The following ITGBL1 variants were observed in gnomAD, a reference collection of about 807,000 sequenced individuals.
ITGBL1 encodes the protein integrin beta-like protein 1.
ITGBL1 carries 51 observed loss-of-function variants against 68.5 expected under a neutral mutation model. The ratio of observed to expected loss-of-function variants is 0.74; its 90% CI spans 0.59 to 0.94. The LOEUF is 0.94. Ranked by LOEUF, ITGBL1 falls within the 40% of genes least tolerant of loss-of-function variation. The pLI is 0.00. For missense variants in ITGBL1, 649 were observed against 647.4 expected, an observed-to-expected ratio of 1.00 and a Z score of -0.03; for synonymous variants, 209 against 227.3, an observed-to-expected ratio of 0.92 and a Z score of 0.72.
intron 2 of ITGBL1, among the ~76,000 whole-genome samples, chr13:101,522,715 C>A (rs1174974483): frequency 6.6e-6 from 1 of 152,110 alleles, no homozygotes; most frequent in Non-Finnish European, 1.5e-5. Context: ...TTATACAGTT[C>A]TAGGTGCCAG....
chr13:101,637,392 A>G (rs994091926), intron 7 of ITGBL1, among the ~76,000 whole-genome samples: 38 of 141,626 alleles, frequency 2.7e-4, no homozygotes, highest in Admixed American at 9.0e-4. Flanking sequence ...CACCCAGGCT[A>G]GAGTGCAGTG....
chr13:101,624,102 T>C (rs1271008176), intron 7 of ITGBL1, among the ~76,000 whole-genome samples: 1 of 152,186 alleles, frequency 6.6e-6, no homozygotes, highest in Non-Finnish European at 1.5e-5. Context: ...ACTAGGTTGC[T>C]TTGGAGAGTG....
chr13:101,500,363 A>G (rs2048921902), intron 2 of ITGBL1, among the ~76,000 whole-genome samples: 1 of 152,204 alleles, frequency 6.6e-6, no homozygotes, highest in Admixed American at 6.5e-5. Flanking sequence ...TAAGGATGCA[A>G]TTAAAGCATT....
intron 2 of ITGBL1, among the ~76,000 whole-genome samples, chr13:101,472,604 G>A (rs1037255131): frequency 4.6e-5 from 7 of 152,108 alleles, no homozygotes; most frequent in Non-Finnish European, 1.0e-4. Context: ...AAAGGAAAAC[G>A]TAAATGGTTT....
At chr13:101,602,897 G>A (rs1302822564) in intron 7 of ITGBL1, among the ~76,000 whole-genome samples, 1 of 151,966 alleles carries the variant, frequency 6.6e-6, no homozygotes, top group African/African-American at 2.4e-5. Flanking sequence ...TGTAGCATAT[G>A]TCAGTCCTTC....
intron 2 of ITGBL1, among the ~76,000 whole-genome samples, chr13:101,492,818 T>C (rs1227843351): frequency 6.6e-6 from 1 of 152,186 alleles, no homozygotes; most frequent in Non-Finnish European, 1.5e-5. Flanking sequence ...CACTGTACAA[T>C]CCTCTTTTGA....
chr13:101,638,691 A>G (rs1269919147), intron 7 of ITGBL1, among the ~76,000 whole-genome samples: 1 of 152,148 alleles, frequency 6.6e-6, no homozygotes, highest in Non-Finnish European at 1.5e-5. Flanking sequence ...CATGAGAGCA[A>G]TATGGGGGAA....
Position 101,491,682 on chromosome 13 carries a change from T to G in ITGBL1, c.316+37582T>G, listed in dbSNP as rs563304466. Among the ~76,000 whole-genome samples, 5 of 152,326 alleles carry G rather than the reference T, an allele frequency of 3.3e-5. No homozygotes were observed. The East Asian group carries it at 9.6e-4, about 29-fold the overall frequency. The stretch of plus-strand genomic sequence containing the variant: ...GGATACATGAGCAGAATGTGCAGGT[T>G]TGTTACATAGGTATACACATGCCAT... On this transcript the variant is annotated intron_variant, in intron 2 of 10. Coordinates refer to ENST00000376180, the MANE Select transcript of ITGBL1 (RefSeq NM_004791.3).
intron 7 of ITGBL1, among the ~76,000 whole-genome samples, chr13:101,627,677 G>C (rs2031833954): frequency 6.6e-6 from 1 of 152,006 alleles, no homozygotes; most frequent in Admixed American, 6.6e-5. Flanking sequence ...CCATAGTTTT[G>C]CATTTTCCAG....
chr13:101,505,313 A>G (rs941131364), intron 2 of ITGBL1, among the ~76,000 whole-genome samples: 1 of 152,124 alleles, frequency 6.6e-6, no homozygotes, highest in East Asian at 1.9e-4. Context: ...TTTTTAACCT[A>G]TTTTATGAAC....
intron 7 of ITGBL1, among the ~76,000 whole-genome samples, chr13:101,600,841 A>G (rs1436374291): frequency 6.6e-6 from 1 of 152,202 alleles, no homozygotes; most frequent in Non-Finnish European, 1.5e-5. Context: ...TCGGTTTGCC[A>G]GTATTTGATT....
intron 6 of ITGBL1, among the ~76,000 whole-genome samples, chr13:101,594,902 C>T (rs1401634406): frequency 2.6e-5 from 4 of 151,952 alleles, no homozygotes; most frequent in Non-Finnish European, 4.4e-5. Flanking sequence ...GGTAAAACCC[C>T]GTCTCTACTA....
At chr13:101,543,124 C>G (rs370631672) in intron 2 of ITGBL1, among the ~76,000 whole-genome samples, 6 of 152,192 alleles carry the variant, frequency 3.9e-5, no homozygotes, top group Admixed American at 3.3e-4. Flanking sequence ...TTATTTTGTT[C>G]GTTAGTTGAT....
At chr13:101,625,480 T>C (rs1181659716) in intron 7 of ITGBL1, among the ~76,000 whole-genome samples, 1 of 152,188 alleles carries the variant, frequency 6.6e-6, no homozygotes, top group Non-Finnish European at 1.5e-5. Context: ...GGTAGCTCGA[T>C]AGTTGTGTAA....
chr13:101,620,086 A>G (rs902740484), intron 7 of ITGBL1, among the ~76,000 whole-genome samples: 3 of 152,140 alleles, frequency 2.0e-5, no homozygotes, highest in African/African-American at 7.2e-5. Flanking sequence ...CAATTTTTCT[A>G]TTTAAATGGC....
intron 2 of ITGBL1, among the ~76,000 whole-genome samples, chr13:101,527,143 A>G (rs999434275): frequency 1.3e-5 from 2 of 152,076 alleles, no homozygotes; most frequent in Non-Finnish European, 2.9e-5. Flanking sequence ...TTTAAAGTAT[A>G]CACTTTAGTG....
At chr13:101,478,747 G>A (rs926856103) in intron 2 of ITGBL1, among the ~76,000 whole-genome samples, 1 of 151,192 alleles carries the variant, frequency 6.6e-6, no homozygotes, top group African/African-American at 2.4e-5. Context: ...AATAAAATGA[G>A]TTAACCAAAG....
intron 7 of ITGBL1, among the ~76,000 whole-genome samples, chr13:101,669,452 T>C (rs1307530221): frequency 1.3e-5 from 2 of 152,228 alleles, no homozygotes; most frequent in Non-Finnish European, 2.9e-5. Flanking sequence ...CTGAGGAGAA[T>C]GCAAAGGTTT....
At chr13:101,693,315 T>A (rs1438905185) in intron 8 of ITGBL1, among the ~76,000 whole-genome samples, 2 of 152,206 alleles carry the variant, frequency 1.3e-5, no homozygotes, top group Admixed American at 6.5e-5. Context: ...AAAAAGTTCA[T>A]ATCGCTGAGG....
Sources: allele counts gnomAD v4.1 joint callset (sites outside exome capture counted in the v4.1 genomes callset), GRCh38; gene constraint gnomAD v4.1.1; transcripts MANE v1.5; gene names NCBI Gene and HGNC (gene_info 2026-07-23, HGNC 2026-07-21).